SAXO4: variants seen among roughly 807,000 people sequenced by gnomAD.
The protein encoded by SAXO4 is protein phosphatase 1 regulatory subunit 32.
chr11:61,482,324 C>T, the SAXO4 span: 1 of 1,614,036 alleles, frequency 6.2e-7, no homozygotes, highest in Non-Finnish European at 8.5e-7. Flanking sequence ...GGGAGGATTT[C>T]AAGCCCCGTG....
the SAXO4 span, chr11:61,482,792 G>A: frequency 4.3e-6 from 7 of 1,609,964 alleles, no homozygotes; most frequent in Non-Finnish European, 5.9e-6. Context: ...CCCAGTGCGG[G>A]TCCCCCCACC....
At chr11:61,481,883 T>G in the SAXO4 span, 1 of 1,576,002 alleles carries the variant, frequency 6.3e-7, no homozygotes, top group Non-Finnish European at 8.6e-7. Context: ...ACGGACCCCC[T>G]GAAATTCTAC....
At chr11:61,482,774 G>A in the SAXO4 span, 11,809 of 1,612,838 alleles carry the variant, frequency 7.3e-3, 60 homozygotes, top group Middle Eastern at 0.013. Context: ...GGCTATGGGC[G>A]GGAGAAGCCC....
the SAXO4 span, chr11:61,485,883 C>T: frequency 3.8e-5 from 61 of 1,613,824 alleles, no homozygotes; most frequent in Admixed American, 5.0e-5. Context: ...GTCTTCCAAC[C>T]GCCCTCACAG....
chr11:61,490,636 G>T, the SAXO4 span: 1 of 1,481,824 alleles, frequency 6.7e-7, no homozygotes, highest in East Asian at 2.3e-5. Flanking sequence ...GTGGGCAACC[G>T]TTATGGGCCA....
the SAXO4 span, chr11:61,486,613 G>T: frequency 6.2e-7 from 1 of 1,613,862 alleles, no homozygotes; most frequent in Non-Finnish European, 8.5e-7. Flanking sequence ...ACCCCAGAGT[G>T]AGTGGCCTTG....
At chr11:61,482,495 TG>T in the SAXO4 span, 5 of 1,563,246 alleles carry the variant, frequency 3.2e-6, no homozygotes, top group Non-Finnish European at 4.4e-6. Flanking sequence ...GTTCCTTGGA[TG>T]GGGACCCTGA....
At chr11:61,482,172 C>A in the SAXO4 span, 1 of 747,774 alleles carries the variant, frequency 1.3e-6, no homozygotes, top group East Asian at 2.6e-5. Context: ...AAAGGGCAGG[C>A]TTGCAAAGCT....
chr11:61,490,679 C>G, the SAXO4 span: 1 of 1,158,626 alleles, frequency 8.6e-7, no homozygotes, highest in Non-Finnish European at 1.3e-6. Flanking sequence ...TTAAGCAAGT[C>G]CTGCCTGGGG....
chr11:61,487,146 G>C, the SAXO4 span: 102 of 1,613,962 alleles, frequency 6.3e-5, no homozygotes, highest in African/African-American at 1.3e-3. Flanking sequence ...TCTTGTGCAG[G>C]AGCCCACAGG....
At chr11:61,485,654 C>T in the SAXO4 span, 1 of 698,984 alleles carries the variant, frequency 1.4e-6, no homozygotes, top group African/African-American at 1.8e-5. Context: ...CTCTGGAATC[C>T]TCACCCTGCC....
the SAXO4 span, chr11:61,490,633 A>G: frequency 6.6e-7 from 1 of 1,513,250 alleles, no homozygotes; most frequent in Non-Finnish European, 9.2e-7. Flanking sequence ...TGTGTGGGCA[A>G]CCGTTATGGG....
the SAXO4 span, chr11:61,489,923 G>A: frequency 6.2e-7 from 1 of 1,612,250 alleles, no homozygotes; most frequent in Non-Finnish European, 8.5e-7. Flanking sequence ...AGAGCCTGCG[G>A]CACCTGCATC....
the SAXO4 span, chr11:61,482,283 G>T: frequency 5.6e-6 from 9 of 1,604,524 alleles, no homozygotes; most frequent in Non-Finnish European, 7.7e-6. Context: ...TGACCTTGGG[G>T]TCTGTCTCCC....
At chr11:61,485,032 T>C in the SAXO4 span, among the ~76,000 whole-genome samples, 1 of 152,062 alleles carries the variant, frequency 6.6e-6, no homozygotes, top group African/African-American at 2.4e-5. Flanking sequence ...CTACTCCTCT[T>C]CCCCCAGCCT....
the SAXO4 span, chr11:61,485,296 T>C: frequency 3.1e-4 from 496 of 1,585,328 alleles, 2 homozygotes; most frequent in Admixed American, 7.4e-3. Context: ...TTCGGGGCCC[T>C]GGTGGGTCAG....
At chr11:61,487,952 T>C in the SAXO4 span, among the ~76,000 whole-genome samples, 1 of 151,366 alleles carries the variant, frequency 6.6e-6, no homozygotes, top group Non-Finnish European at 1.5e-5. Flanking sequence ...GAAAGCATTA[T>C]AGGAGTGGTA....
chr11:61,482,824 G>T, the SAXO4 span: 1 of 1,583,912 alleles, frequency 6.3e-7, no homozygotes, highest in South Asian at 1.1e-5. Flanking sequence ...TGCTGGGCCA[G>T]GGCCAGGAGA....
At chr11:61,490,145 A>C in the SAXO4 span, among the ~76,000 whole-genome samples, 1 of 151,678 alleles carries the variant, frequency 6.6e-6, no homozygotes. Flanking sequence ...CCTCCCTCAG[A>C]TGGCTCCTCC....
Sources: gnomAD v4.1 joint callset for allele counts (sites outside exome capture counted in the v4.1 genomes callset) on GRCh38, gnomAD v4.1.1 for gene constraint, MANE v1.5 for transcripts, NCBI Gene and HGNC (gene_info 2026-07-23, HGNC 2026-07-21) for gene names.